Variants in ALG9 observed in about 807,000 individuals in gnomAD.
ALG9 encodes alpha-1,2-mannosyltransferase ALG9.
A neutral mutation model predicts 81.8 loss-of-function variants in ALG9; 55 were observed. The observed-to-expected ratio is 0.67, with a 90% CI of 0.54 to 0.84. The LOEUF is 0.84. Ranked by LOEUF, ALG9 falls within the 40% of genes least tolerant of loss-of-function variation. ALG9 has a pLI of 0.00. For missense variants in ALG9, 629 were observed against 745.0 expected (o/e 0.84, Z 1.81); for synonymous variants, 278 against 274.3 (o/e 1.01, Z -0.13).
At chr11:111,799,008 T>A (rs530567557) in intron 14 of ALG9, among the ~76,000 whole-genome samples, 1 of 152,368 alleles carries the variant, frequency 6.6e-6, no homozygotes, top group South Asian at 2.1e-4. Flanking sequence ...ATGTTGCTTA[T>A]CTTGCAACAA....
chr11:111,786,099 T>C lies in ALG9; in HGVS notation c.*298A>G. ...TTGGTTCTGCTCTTCTCCGGTCTAG[T>C]AAATAATTGAACAGAGGAAAAACAA... On this transcript the variant is annotated 3_prime_UTR_variant, in exon 15 of 15. Coordinates refer to ENST00000616540, the MANE Select transcript of ALG9 (RefSeq NM_024740.2). 2.1e-6 allele frequency: 1 copy of C among 478,444 alleles called. No individual in the cohort carries two copies. The highest frequency in any genetic ancestry group is 6.3e-5 in the East Asian group (1 of 15,938). 29.6% of individuals were successfully genotyped at this position (478,444 alleles called of 1,614,324 possible).
chr11:111,867,856 C>G (rs1963000525), intron 3 of ALG9, among the ~76,000 whole-genome samples: 1 of 152,152 alleles, frequency 6.6e-6, no homozygotes, highest in Non-Finnish European at 1.5e-5. Context: ...TTCCCACTAA[C>G]CCAGCAGGGA....
the ALG9 span, among the ~76,000 whole-genome samples, chr11:111,771,976 T>C: frequency 1.3e-5 from 2 of 152,154 alleles, no homozygotes; most frequent in Admixed American, 1.3e-4. Flanking sequence ...TCCCAATAAA[T>C]CAGAAGCAGG....
intron 4 of ALG9, chr11:111,864,403 T>C: frequency 1.3e-6 from 1 of 764,920 alleles, no homozygotes. Flanking sequence ...CTCTGCTGAC[T>C]AGAGTATCTT....
chr11:111,806,179 A>G (rs951059533), intron 14 of ALG9, among the ~76,000 whole-genome samples: 9 of 152,102 alleles, frequency 5.9e-5, no homozygotes, highest in Admixed American at 3.3e-4. Flanking sequence ...ATTTTTTTAA[A>G]AAAGATAAAA....
At chr11:111,844,831 T>G in intron 8 of ALG9, 108 bp from the exon 9 acceptor site, 9 of 1,258,274 alleles carry the variant, frequency 7.2e-6, no homozygotes, top group African/African-American at 1.5e-5. Flanking sequence ...ATCCTATGCC[T>G]CATGGGAATG....
the ALG9 span, chr11:111,769,314 A>C: frequency 6.7e-6 from 1 of 149,724 alleles, no homozygotes; most frequent in Non-Finnish European, 1.5e-5. Flanking sequence ...CTGTCTCAAA[A>C]AAAAAAAAAA....
intron 10 of ALG9, among the ~76,000 whole-genome samples, chr11:111,838,667 A>AT (rs1362995900): frequency 6.6e-6 from 1 of 152,020 alleles, no homozygotes; most frequent in Admixed American, 6.6e-5. Context: ...CTAATAAGTT[A>AT]TTTTTTTTAA....
At chr11:111,855,359 T>A (rs904129613) in intron 6 of ALG9, among the ~76,000 whole-genome samples, 3 of 152,192 alleles carry the variant, frequency 2.0e-5, no homozygotes, top group Admixed American at 6.5e-5. Context: ...AGGGAAGTGA[T>A]ACAACCACAT....
chr11:111,850,860 TTC>T (rs1337083452), intron 8 of ALG9, among the ~76,000 whole-genome samples: 1 of 152,056 alleles, frequency 6.6e-6, no homozygotes. Flanking sequence ...GGTATGCCAA[TTC>T]TCTCTGTTTC....
At chr11:111,798,286 A>G in intron 14 of ALG9, 1 of 215,516 alleles carries the variant, frequency 4.6e-6, no homozygotes, top group Non-Finnish European at 9.8e-6. Context: ...AAAGGGACAT[A>G]TAATGAAGGA....
chr11:111,865,380 G>T, intron 3 of ALG9, 129 bp from the exon 4 acceptor site: 2 of 691,088 alleles, frequency 2.9e-6, no homozygotes, highest in Non-Finnish European at 4.8e-6. Context: ...AAGCAACATG[G>T]ATCAAGAATT....
rs1051769099 is a variant in ALG9, at chr11:111,865,246, A to G, written c.411T>C (p.Leu137=). 4 of 1,550,890 alleles carry G rather than the reference A, an allele frequency of 2.6e-6. No individual in the cohort carries two copies. The African/African-American group carries it at 4.1e-5, about 16-fold the overall frequency. ...GAAGACATCGCAAAAAGTAAAACAC[A>G]AGAATCTAAAAGAAACCCAGAAAAA... ...HARILQTNKI[L]VFYFLRCLLA... Residue 137 remains leucine (L), a synonymous_variant, in exon 4 of 15, where the codon CTT becomes CTC. Coordinates refer to ENST00000616540, the MANE Select transcript of ALG9 (RefSeq NM_024740.2).
chr11:111,771,651 CAG>C, the ALG9 span, among the ~76,000 whole-genome samples: 1 of 152,150 alleles, frequency 6.6e-6, no homozygotes, highest in Non-Finnish European at 1.5e-5. Context: ...TGGTGGATGA[CAG>C]GGGCGGGAAA....
At chr11:111,865,939 T>A (rs139092698) in intron 3 of ALG9, among the ~76,000 whole-genome samples, 101 of 152,328 alleles carry the variant, frequency 6.6e-4, no homozygotes, top group African/African-American at 2.4e-3. Context: ...AGTAGCTTTA[T>A]ACTACAGAAT....
At chr11:111,865,408 A>C (rs1352177138) in intron 3 of ALG9, among the ~76,000 whole-genome samples, 157 bp from the exon 4 acceptor site, 3 of 152,244 alleles carry the variant, frequency 2.0e-5, no homozygotes, top group African/African-American at 4.8e-5. Flanking sequence ...CCCTTGACTC[A>C]ATATCAGTAT....
downstream of ALG9, among the ~76,000 whole-genome samples, chr11:111,779,037 C>T (rs1945783994): frequency 1.3e-5 from 2 of 152,112 alleles, no homozygotes; most frequent in South Asian, 4.1e-4. Context: ...TGGTCTCGAA[C>T]TCCCGACCTC....
chr11:111,864,529 T>C (rs1592400806), intron 4 of ALG9: 4 of 647,840 alleles, frequency 6.2e-6, no homozygotes, highest in Middle Eastern at 4.3e-4. Flanking sequence ...GAGAGCTAAA[T>C]TTGAAGCCTG....
At chr11:111,817,703 C>T (rs1223690524) in intron 13 of ALG9, among the ~76,000 whole-genome samples, 1 of 151,718 alleles carries the variant, frequency 6.6e-6, no homozygotes, top group Non-Finnish European at 1.5e-5. Context: ...ATCCACCTGC[C>T]TCTACATCAC....
Sources: gnomAD v4.1 joint callset for allele counts (sites outside exome capture counted in the v4.1 genomes callset) on GRCh38, gnomAD v4.1.1 for gene constraint, MANE v1.5 for transcripts, NCBI Gene and HGNC (gene_info 2026-07-23, HGNC 2026-07-21) for gene names.